The following WWOX variants were observed in gnomAD, a reference collection of about 807,000 sequenced individuals.
WWOX encodes WW domain-containing oxidoreductase.
A neutral mutation model predicts 46.2 loss-of-function variants in WWOX; 69 were observed. The observed-to-expected ratio is 1.49, with a 90% confidence interval of 1.23 to 1.82. The LOEUF (loss-of-function observed/expected upper bound fraction) is 1.82. Among genes scored for constraint, WWOX ranks in the 40% most tolerant of loss-of-function variants. The pLI, the probability that WWOX is intolerant of heterozygous loss-of-function variation, is 0.00. For missense variants in WWOX, 919 were observed against 542.6 expected (o/e 1.69, Z -6.89); for synonymous variants, 359 against 202.6 (o/e 1.77, Z -6.56).
intron 5 of WWOX, among the ~76,000 whole-genome samples, chr16:78,176,696 A>G (rs1229576313): frequency 6.6e-6 from 1 of 152,240 alleles, no homozygotes; most frequent in Admixed American, 6.5e-5. Flanking sequence ...TGGAGCAGAA[A>G]GAATAAGTTA....
intron 8 of WWOX, among the ~76,000 whole-genome samples, chr16:78,725,300 C>T (rs1050493830): frequency 4.1e-5 from 6 of 146,908 alleles, no homozygotes; most frequent in Admixed American, 4.1e-4. Context: ...ATTACCCAGT[C>T]TCAGGTATGT....
chr16:78,331,821 C>CT (rs2080764489), intron 5 of WWOX, among the ~76,000 whole-genome samples: 1 of 152,146 alleles, frequency 6.6e-6, no homozygotes, highest in Non-Finnish European at 1.5e-5. Context: ...GCATTCATTG[C>CT]TTTATTTAAT....
chr16:78,351,070 A>T (rs1464570248), intron 5 of WWOX, among the ~76,000 whole-genome samples: 1 of 152,142 alleles, frequency 6.6e-6, no homozygotes, highest in Non-Finnish European at 1.5e-5. Context: ...ATCTCTTCAT[A>T]TGATTATTGG....
intron 8 of WWOX, among the ~76,000 whole-genome samples, chr16:78,722,107 A>G (rs76274584): frequency 0.019 from 2,881 of 152,316 alleles, 95 homozygotes; most frequent in African/African-American, 0.065. Context: ...GATTAAGGTC[A>G]TGATCCTGAC....
chr16:78,561,239 G>C lies in WWOX; in HGVS notation c.1056+128487G>C, dbSNP rs190527424. On this transcript the variant is annotated intron_variant, in intron 8 of 8. Transcript: ENST00000566780. The stretch of plus-strand genomic sequence containing the variant: ...AGCAACAGAAACTCTCTTGTGCATG[G>C]AGTCCCCTCCTGCTTTGAATCTCTC... Among the ~76,000 whole-genome samples the C allele has an allele frequency of 2.0e-5, 3 of 150,730 alleles. No homozygotes were observed. The East Asian group carries it at 6.0e-4, about 30-fold the overall frequency.
At chr16:78,862,032 C>T (rs923397748) in intron 8 of WWOX, among the ~76,000 whole-genome samples, 1 of 149,040 alleles carries the variant, frequency 6.7e-6, no homozygotes, top group Non-Finnish European at 1.5e-5. Flanking sequence ...TATAGATACA[C>T]ACATGTATCT....
chr16:79,031,513 A>T (rs2047753973), intron 8 of WWOX, among the ~76,000 whole-genome samples: 1 of 152,038 alleles, frequency 6.6e-6, no homozygotes, highest in African/African-American at 2.4e-5. Context: ...GTGGTCATTA[A>T]AGCCTAGAAG....
intron 8 of WWOX, among the ~76,000 whole-genome samples, chr16:78,997,144 G>T (rs546618858): frequency 2.0e-5 from 3 of 152,006 alleles, no homozygotes; most frequent in South Asian, 4.2e-4. Flanking sequence ...TCGTGTGTGT[G>T]CCTGGTGAGG....
chr16:78,883,844 C>A (rs994049924), intron 8 of WWOX, among the ~76,000 whole-genome samples: 2 of 151,978 alleles, frequency 1.3e-5, no homozygotes, highest in Admixed American at 6.6e-5. Flanking sequence ...TTGTAAGTTT[C>A]CTGTAATACT....
chr16:78,729,660 G>C (rs1157201906), intron 8 of WWOX, among the ~76,000 whole-genome samples: 1 of 152,124 alleles, frequency 6.6e-6, no homozygotes. Context: ...TGGGACTTCT[G>C]GCTTCCGGAA....
intron 8 of WWOX, among the ~76,000 whole-genome samples, chr16:78,916,181 C>G (rs960428671): frequency 6.6e-6 from 1 of 152,182 alleles, no homozygotes; most frequent in Non-Finnish European, 1.5e-5. Flanking sequence ...ACACGCTGCA[C>G]AAGGAAGACC....
At chr16:78,331,234 C>G (rs1776861775) in intron 5 of WWOX, among the ~76,000 whole-genome samples, 1 of 152,114 alleles carries the variant, frequency 6.6e-6, no homozygotes, top group Non-Finnish European at 1.5e-5. Flanking sequence ...CTTCTTCATG[C>G]TTGCGTTTCT....
At chr16:78,306,221 G>A (rs1304317852) in intron 5 of WWOX, among the ~76,000 whole-genome samples, 5 of 152,164 alleles carry the variant, frequency 3.3e-5, no homozygotes, top group Admixed American at 3.3e-4. Context: ...AAATTTTGAT[G>A]ATTTGGGAAC....
intron 8 of WWOX, among the ~76,000 whole-genome samples, chr16:78,503,277 T>A (rs2085114013): frequency 6.6e-6 from 1 of 152,118 alleles, no homozygotes; most frequent in Non-Finnish European, 1.5e-5. Context: ...CTGCTCTCAT[T>A]TCATTTTCAC....
At chr16:79,103,469 C>T (rs2049243973) in intron 8 of WWOX, among the ~76,000 whole-genome samples, 1 of 152,082 alleles carries the variant, frequency 6.6e-6, no homozygotes, top group South Asian at 2.1e-4. Flanking sequence ...GGATTTTGTG[C>T]CTCTTCCCCT....
chr16:78,839,139 T>C (rs545436041), intron 8 of WWOX, among the ~76,000 whole-genome samples: 8 of 152,170 alleles, frequency 5.3e-5, no homozygotes, highest in South Asian at 2.1e-4. Context: ...ATAAAAACTT[T>C]CATTAAAATC....
At chr16:78,165,629 G>T (rs1264853562) in intron 5 of WWOX, among the ~76,000 whole-genome samples, 1 of 152,162 alleles carries the variant, frequency 6.6e-6, no homozygotes, top group African/African-American at 2.4e-5. Flanking sequence ...CCTGAAGGGG[G>T]CTGGGTACAC....
chr16:78,484,466 A>G lies in WWOX; in HGVS notation c.1056+51714A>G, dbSNP rs1315136392. 2.0e-5 allele frequency among the ~76,000 whole-genome samples: 3 copies of G among 152,210 alleles called. No individual in the cohort carries two copies. In the South Asian group the frequency reaches 6.2e-4, roughly 31 times the overall value. ...CCTACCTGAGCTATTAGTTTAAATAATGTATTCATAAATTGATTAATCATT... is the reference window on the plus strand; with the variant it reads ...CCTACCTGAGCTATTAGTTTAAATAGTGTATTCATAAATTGATTAATCATT... On this transcript the variant is annotated intron_variant, in intron 8 of 8. Transcript: ENST00000566780.
intron 6 of WWOX, among the ~76,000 whole-genome samples, chr16:78,399,157 A>G (rs192152440): frequency 7.7e-4 from 118 of 152,268 alleles, no homozygotes; most frequent in African/African-American, 2.6e-3. Flanking sequence ...GGCTAGATGG[A>G]TAGAAGGTTG....
Sources: allele counts gnomAD v4.1 joint callset (sites outside exome capture counted in the v4.1 genomes callset), GRCh38; gene constraint gnomAD v4.1.1; transcripts MANE v1.5; gene names NCBI Gene and HGNC (gene_info 2026-07-23, HGNC 2026-07-21).